Variants in TBC1D14 observed in about 807,000 individuals in gnomAD.
The protein encoded by TBC1D14 is TBC1 domain family member 14, also known as TBC1 domain family, member 14.
Under a neutral mutation model 79.0 loss-of-function variants are expected in TBC1D14, and 26 were observed. The observed-to-expected ratio is 0.33, with a 90% CI of 0.24 to 0.46. The LOEUF (loss-of-function observed/expected upper bound fraction) is 0.46. Ranked by LOEUF, TBC1D14 falls within the 20% of genes least tolerant of loss-of-function variation. The pLI, the probability that TBC1D14 is intolerant of heterozygous loss-of-function variation, is 1.00. For synonymous variants in TBC1D14, 394 were observed against 349.9 expected, an observed-to-expected ratio of 1.13 and a Z score of -1.40; for missense variants, 769 against 887.6, an observed-to-expected ratio of 0.87 and a Z score of 1.70.
chr4:6,988,885 C>CTT (rs34268749), intron 3 of TBC1D14, among the ~76,000 whole-genome samples: 10,338 of 76,840 alleles, frequency 0.13, 1,280 homozygotes, highest in South Asian at 0.23. Context: ...TTCTTTCTTT[C>CTT]TTTTTTTTTT....
At chr4:7,005,054 A>G (rs1448019423) in intron 8 of TBC1D14, 130 bp downstream of exon 8, 1 of 878,062 alleles carries the variant, frequency 1.1e-6, no homozygotes, top group Non-Finnish European at 1.7e-6. Flanking sequence ...TCCACGAGAA[A>G]AGGGTTTTTT....
At chr4:7,001,582 G>C (rs1450433019) in intron 7 of TBC1D14, 1 of 268,722 alleles carries the variant, frequency 3.7e-6, no homozygotes, top group African/African-American at 2.2e-5. Flanking sequence ...AGGGGCAGGT[G>C]GTTCTTGCTG....
chr4:6,945,709 A>G (rs1713372355), intron 2 of TBC1D14, among the ~76,000 whole-genome samples: 1 of 141,538 alleles, frequency 7.1e-6, no homozygotes, highest in East Asian at 2.2e-4. Context: ...AGATCGCGCC[A>G]TTGCGCTCCA....
At chr4:6,962,646 A>T (rs542305556) in intron 2 of TBC1D14, among the ~76,000 whole-genome samples, 1 of 152,008 alleles carries the variant, frequency 6.6e-6, no homozygotes, top group South Asian at 2.1e-4. Flanking sequence ...CTCACCCCCT[A>T]CTGGCCACCC....
chr4:6,955,682 G>A (rs1457237340), intron 2 of TBC1D14, among the ~76,000 whole-genome samples: 2 of 152,124 alleles, frequency 1.3e-5, no homozygotes, highest in East Asian at 3.9e-4. Flanking sequence ...GTGCAAACAG[G>A]CGTTGAAGTG....
chr4:7,020,148 G>C (rs1721688767), intron 12 of TBC1D14, among the ~76,000 whole-genome samples: 1 of 151,856 alleles, frequency 6.6e-6, no homozygotes, highest in South Asian at 2.1e-4. Flanking sequence ...GGTTGGGGAG[G>C]ACTCTGGGGC....
intron 3 of TBC1D14, among the ~76,000 whole-genome samples, chr4:6,981,080 A>G (rs564883827): frequency 6.2e-5 from 9 of 144,310 alleles, no homozygotes; most frequent in Non-Finnish European, 1.0e-4. Flanking sequence ...GCTGGAGTGC[A>G]GTGGTGCGAC....
intron 3 of TBC1D14, among the ~76,000 whole-genome samples, chr4:6,986,276 G>A (rs1428772970): frequency 6.6e-6 from 1 of 152,198 alleles, no homozygotes; most frequent in African/African-American, 2.4e-5. Context: ...GGACGTTCTG[G>A]TTGGCGTGGA....
chr4:7,013,152 AT>A (rs1001124876), intron 11 of TBC1D14, among the ~76,000 whole-genome samples: 1 of 152,044 alleles, frequency 6.6e-6, no homozygotes, highest in Admixed American at 6.5e-5. Flanking sequence ...ACAGCAGCAG[AT>A]TTTCTCCCTG....
At chr4:7,013,261 A>G (rs1363738690) in intron 11 of TBC1D14, among the ~76,000 whole-genome samples, 1 of 152,228 alleles carries the variant, frequency 6.6e-6, no homozygotes, top group East Asian at 1.9e-4. Context: ...TCCCCGTGCC[A>G]GCAGCACCTG....
Position 7,013,346 on chromosome 4 carries a change from G to A in TBC1D14, c.1648-1102G>A, listed in dbSNP as rs186575533. ...TAGAGACCAAATCACTCCCTTTTGGGAGCCACCGTCTACAGTAGAGCCCCT... is the reference window on the plus strand; with the variant it reads ...TAGAGACCAAATCACTCCCTTTTGGAAGCCACCGTCTACAGTAGAGCCCCT... On this transcript the variant is annotated intron_variant, in intron 11 of 13. Coordinates refer to ENST00000409757, the MANE Select transcript of TBC1D14 (RefSeq NM_020773.3). Among the ~76,000 whole-genome samples the A allele has an allele frequency of 2.8e-4, 43 of 152,310 alleles. No individual in the cohort carries two copies. In the East Asian group the frequency reaches 7.5e-3, roughly 27 times the overall value.
intron 13 of TBC1D14, 90 bp from the exon 14 acceptor site, chr4:7,030,237 G>T: frequency 7.8e-7 from 1 of 1,277,614 alleles, no homozygotes; most frequent in Non-Finnish European, 1.1e-6. Context: ...GGGGGACCCT[G>T]TTAGGAGGCT....
chr4:6,933,711 A>C (rs1204290971), intron 2 of TBC1D14, among the ~76,000 whole-genome samples: 1 of 151,928 alleles, frequency 6.6e-6, no homozygotes, highest in Admixed American at 6.5e-5. Flanking sequence ...AGGGAAGGGT[A>C]TGAACATCAG....
intron 2 of TBC1D14, among the ~76,000 whole-genome samples, chr4:6,944,606 T>C (rs994857152): frequency 1.3e-5 from 2 of 152,244 alleles, no homozygotes; most frequent in Admixed American, 1.3e-4. Context: ...CAAACGAGCA[T>C]GCTCCAAGCA....
intron 3 of TBC1D14, among the ~76,000 whole-genome samples, chr4:6,978,753 A>AAG (rs1553863974): frequency 4.7e-5 from 7 of 150,006 alleles, no homozygotes; most frequent in Non-Finnish European, 1.5e-5. Context: ...AAAAAAAAAA[A>AAG]AAAGAAAAGA....
At chr4:7,004,951 C>G in intron 8 of TBC1D14, 27 bp downstream of exon 8, 1 of 1,590,168 alleles carries the variant, frequency 6.3e-7, no homozygotes, top group Non-Finnish European at 8.6e-7. Flanking sequence ...AACCAGCGGA[C>G]TGCTGTGGTC....
intron 13 of TBC1D14, among the ~76,000 whole-genome samples, chr4:7,026,062 G>A (rs956576253): frequency 2.6e-5 from 4 of 152,012 alleles, no homozygotes; most frequent in Non-Finnish European, 4.4e-5. Flanking sequence ...AGAGGGTCTC[G>A]CTCTGTCATC....
intron 13 of TBC1D14, among the ~76,000 whole-genome samples, chr4:7,028,859 CAG>C (rs1343965868): frequency 6.6e-6 from 1 of 151,092 alleles, no homozygotes; most frequent in Admixed American, 6.6e-5. Context: ...TTTTTTGAGA[CAG>C]AGTCTCACTC....
At chr4:6,994,471 C>A (rs1375964122) in intron 4 of TBC1D14, among the ~76,000 whole-genome samples, 169 bp downstream of exon 4, 1 of 152,166 alleles carries the variant, frequency 6.6e-6, no homozygotes, top group Non-Finnish European at 1.5e-5. Flanking sequence ...ATTAAATGAC[C>A]AATTTGGAAA....
Sources: allele counts gnomAD v4.1 joint callset (sites outside exome capture counted in the v4.1 genomes callset), GRCh38; gene constraint gnomAD v4.1.1; transcripts MANE v1.5; gene names NCBI Gene and HGNC (gene_info 2026-07-23, HGNC 2026-07-21).